The following PHKB variants were observed in gnomAD, a reference collection of about 807,000 sequenced individuals.
The protein encoded by PHKB is phosphorylase b kinase regulatory subunit beta.
PHKB carries 122 observed loss-of-function variants against 152.1 expected under a neutral mutation model. The ratio of observed to expected loss-of-function variants is 0.80; its 90% CI spans 0.69 to 0.93. The LOEUF is 0.93. PHKB is among the 40% of genes least tolerant of loss of function. The pLI is 0.00. For missense variants in PHKB, 1,304 were observed against 1,328.4 expected, an observed-to-expected ratio of 0.98 and a Z score of 0.29; for synonymous variants, 436 against 464.9, an observed-to-expected ratio of 0.94 and a Z score of 0.80.
chr16:47,674,366 G>A (rs984194510), intron 26 of PHKB, among the ~76,000 whole-genome samples: 1 of 152,180 alleles, frequency 6.6e-6, no homozygotes, highest in South Asian at 2.1e-4. Flanking sequence ...TGGTGCAAAA[G>A]TAATCGTGGT....
Position 47,669,360 on chromosome 16 carries a change from G to C in PHKB, c.2573G>C (p.Gly858Ala), listed in dbSNP as rs1305148205. The C allele has an allele frequency of 3.1e-6, 5 of 1,614,044 alleles. No individual in the cohort carries two copies. The highest frequency in any genetic ancestry group is 4.2e-6 in the Non-Finnish European group (5 of 1,180,018). Residue 858 changes from glycine to alanine, a missense_variant, in exon 26 of 31, where the codon GGC becomes GCC. By Grantham distance (60) the Gly-to-Ala change is moderately conservative. Coordinates refer to ENST00000323584, the MANE Select transcript of PHKB (RefSeq NM_000293.3). ...CAGCAAGAACTGGTCATCCATATTG[G>C]CTGGATCATCTCCAATAACCCTGAG... ...VIQQELVIHI[G>A]WIISNNPELF...
intron 7 of PHKB, among the ~76,000 whole-genome samples, chr16:47,550,875 T>C (rs1217931057): frequency 2.6e-5 from 4 of 152,200 alleles, no homozygotes; most frequent in African/African-American, 4.8e-5. Context: ...AGGCTATTAA[T>C]TACTGCCTCA....
chr16:47,634,775 A>T (rs1201063843), intron 14 of PHKB, among the ~76,000 whole-genome samples: 1 of 152,182 alleles, frequency 6.6e-6, no homozygotes, highest in Non-Finnish European at 1.5e-5. Flanking sequence ...CATGGTGAAG[A>T]AGAGAAGGGA....
intron 1 of PHKB, among the ~76,000 whole-genome samples, chr16:47,474,448 C>G (rs1243974785): frequency 6.6e-6 from 1 of 152,154 alleles, no homozygotes; most frequent in African/African-American, 2.4e-5. Context: ...GATAGTTCCT[C>G]TTCGTACATA....
At position 47,595,207 on chromosome 16, in the gene PHKB, G is replaced by C. The variant is rs537151438; in HGVS notation, c.1204+993G>C. 2.0e-5 allele frequency among the ~76,000 whole-genome samples: 3 copies of C among 152,212 alleles called. No individual in the cohort carries two copies. The South Asian group carries it at 6.2e-4, about 32-fold the overall frequency. ...ATCTTTGATGCATTGAGATGTAGTA[G>C]TTTAATGTACCTCACTTCAGGCTTC... On this transcript the variant is annotated intron_variant, in intron 12 of 30. Coordinates refer to ENST00000323584, the MANE Select transcript of PHKB (RefSeq NM_000293.3).
At position 47,648,597 on chromosome 16, in the gene PHKB, G is replaced by A; in HGVS notation, c.1673G>A (p.Gly558Asp). The A allele has an allele frequency of 1.9e-6, 3 of 1,612,076 alleles. No homozygotes were observed. In the East Asian group the frequency reaches 6.7e-5, roughly 36 times the overall value. ...TCTGGAAGGCCAGACAGGCCCATTGGCTGCCTCGGGACATCAAAGGTACTC... is the reference window on the plus strand; with the variant it reads ...TCTGGAAGGCCAGACAGGCCCATTGACTGCCTCGGGACATCAAAGGTACTC... ...GLSGRPDRPIGCLGTSKIYRI... is the reference protein window; with the variant it reads ...GLSGRPDRPIDCLGTSKIYRI... The change falls in exon 17 of 31, where the codon GGC (glycine) becomes GAC (aspartate). Residue 558 changes from glycine to aspartate, a missense_variant. Gly to Asp is a moderately conservative substitution (Grantham distance 94). Coordinates refer to ENST00000323584, the MANE Select transcript of PHKB (RefSeq NM_000293.3).
chr16:47,565,406 A>T, intron 7 of PHKB: 1 of 1,194,608 alleles, frequency 8.4e-7, no homozygotes, highest in Non-Finnish European at 1.3e-6. Flanking sequence ...ACTTGTAGGG[A>T]TTGCTGCTCT....
At chr16:47,504,906 A>G (rs1567282906) in intron 4 of PHKB, among the ~76,000 whole-genome samples, 1 of 152,222 alleles carries the variant, frequency 6.6e-6, no homozygotes, top group Non-Finnish European at 1.5e-5. Context: ...GTGGAGCACC[A>G]GGGCACGTGT....
At chr16:47,640,173 T>C (rs1972992648) in intron 14 of PHKB, among the ~76,000 whole-genome samples, 1 of 152,184 alleles carries the variant, frequency 6.6e-6, no homozygotes, top group Non-Finnish European at 1.5e-5. Context: ...TAAATTTCAG[T>C]GTTATATTGA....
chr16:47,502,350 T>C (rs1432411018), intron 3 of PHKB, among the ~76,000 whole-genome samples: 1 of 152,200 alleles, frequency 6.6e-6, no homozygotes. Flanking sequence ...ACTATTAAAC[T>C]AAATAGTTAG....
chr16:47,479,409 C>T (rs1969926068), intron 1 of PHKB, among the ~76,000 whole-genome samples: 1 of 151,940 alleles, frequency 6.6e-6, no homozygotes, highest in Non-Finnish European at 1.5e-5. Context: ...TGATCTCTGG[C>T]ATCTTCAACA....
intron 7 of PHKB, among the ~76,000 whole-genome samples, chr16:47,579,221 C>T (rs1971800864): frequency 6.6e-6 from 1 of 152,074 alleles, no homozygotes; most frequent in Admixed American, 6.6e-5. Flanking sequence ...AGTGTCTGAC[C>T]TATTTATTGT....
chr16:47,584,099 C>T lies in PHKB; in HGVS notation c.775-3569C>T, dbSNP rs888249164. 2.7e-5 allele frequency among the ~76,000 whole-genome samples: 4 copies of T among 150,742 alleles called. No homozygotes were observed. The South Asian group carries it at 8.4e-4, about 32-fold the overall frequency. ...TAAATCTTTTTCTGAAACTATTTTC[C>T]AAATTTATTTTTCTTTGGGACACTG... On this transcript the variant is annotated intron_variant, in intron 8 of 30. Transcript: ENST00000323584.
intron 4 of PHKB, 41 bp downstream of exon 4, chr16:47,503,131 T>C (rs780185441): frequency 3.2e-6 from 4 of 1,240,890 alleles, no homozygotes; most frequent in Admixed American, 1.7e-5. Flanking sequence ...CCCATCATTC[T>C]GAAGGATTAA....
chr16:47,478,244 G>A (rs1347645547), intron 1 of PHKB, among the ~76,000 whole-genome samples: 1 of 151,994 alleles, frequency 6.6e-6, no homozygotes, highest in Non-Finnish European at 1.5e-5. Context: ...AACTAATATG[G>A]TATTGAAATG....
intron 7 of PHKB, chr16:47,566,256 C>G (rs750701777): frequency 1.1e-5 from 9 of 856,924 alleles, no homozygotes; most frequent in Non-Finnish European, 1.8e-5. Flanking sequence ...ATCACCTCTT[C>G]TAGGTGAGTA....
chr16:47,645,716 G>A (rs929050178), intron 16 of PHKB, among the ~76,000 whole-genome samples: 2 of 151,820 alleles, frequency 1.3e-5, no homozygotes, highest in Non-Finnish European at 2.9e-5. Context: ...AAAAGTGGGC[G>A]AAGGACATGA....
intron 27 of PHKB, among the ~76,000 whole-genome samples, chr16:47,692,403 G>A (rs1364006484): frequency 6.6e-6 from 1 of 152,112 alleles, no homozygotes; most frequent in Non-Finnish European, 1.5e-5. Context: ...ATTACTTGAG[G>A]CCAGGAGCTC....
intron 8 of PHKB, among the ~76,000 whole-genome samples, chr16:47,585,083 T>A (rs970478653): frequency 2.6e-5 from 4 of 152,210 alleles, no homozygotes; most frequent in African/African-American, 9.6e-5. Flanking sequence ...CAGAATCATC[T>A]TCCAGTCCCA....
Sources: gnomAD v4.1 joint callset for allele counts (sites outside exome capture counted in the v4.1 genomes callset) on GRCh38, gnomAD v4.1.1 for gene constraint, MANE v1.5 for transcripts, NCBI Gene and HGNC (gene_info 2026-07-23, HGNC 2026-07-21) for gene names.